Variants in IL3RA observed in about 807,000 individuals in gnomAD.
The protein encoded by IL3RA is interleukin 3 receptor subunit alpha, also known as interleukin-3 receptor subunit alpha.
A neutral mutation model predicts 52.3 loss-of-function variants in IL3RA; 73 were observed. The observed-to-expected ratio is 1.40, with a 90% CI of 1.16 to 1.70. The LOEUF is 1.70. IL3RA is among the 40% of genes most tolerant of loss of function. IL3RA has a pLI of 0.00. For missense variants in IL3RA, 664 were observed against 504.4 expected (o/e 1.32, Z -3.03); for synonymous variants, 260 against 194.0 (o/e 1.34, Z -2.83).
intron 2 of IL3RA, among the ~76,000 whole-genome samples, chrX:1,344,143 C>G (rs1300371122): frequency 2.0e-5 from 3 of 152,026 alleles, no homozygotes; most frequent in Admixed American, 6.6e-5. Context: ...ACATAGAACT[C>G]CACTTCCCAG....
rs878975237 is a variant in IL3RA, at chrX:1,348,690, CT to C, written c.298+150del. On this transcript the variant is annotated intron_variant, in intron 4 of 11. Transcript: ENST00000331035. The stretch of plus-strand genomic sequence containing the variant: ...TCTTTCTTTCTTTCTTTCTTTCTTT[CT>C]TTTTCTTTCTTTCTGTTTCTGTTTC... 1.2e-5 allele frequency: 6 copies of C among 481,736 alleles called. No individual in the cohort carries two copies. The South Asian group carries it at 1.6e-4, about 13-fold the overall frequency. 29.8% of individuals were successfully genotyped at this position (481,736 alleles called of 1,614,324 possible).
chrX:1,378,879 G>C, intron 10 of IL3RA, 115 bp downstream of exon 10: 2 of 1,018,432 alleles, frequency 2.0e-6, no homozygotes, highest in Non-Finnish European at 2.9e-6. Context: ...GTCTCGCTCT[G>C]TCTCCCAGGC....
At position 1,348,676 on chromosome X, in the gene IL3RA, T is replaced by C. The variant is rs751831283; in HGVS notation, c.298+131T>C. The C allele has an allele frequency of 6.4e-4, 252 of 396,256 alleles. 2 individuals carry two copies. In the African/African-American group the frequency reaches 0.013, roughly 21 times the overall value. The allele number at this position is 396,256 out of a possible 1,614,324, so 24.5% of individuals were successfully genotyped here. ...TTTCTTTCTTTCTTTCTTTCTTTCTTTCTTTCTTTCTTTCTTTTTCTTTCT... is the reference window on the plus strand; with the variant it reads ...TTTCTTTCTTTCTTTCTTTCTTTCTCTCTTTCTTTCTTTCTTTTTCTTTCT... On this transcript the variant is annotated intron_variant, in intron 4 of 11. Transcript: ENST00000331035.
At chrX:1,352,855 TCATG>T (rs2086183498) in intron 6 of IL3RA, among the ~76,000 whole-genome samples, 1 of 149,286 alleles carries the variant, frequency 6.7e-6, no homozygotes, top group African/African-American at 2.5e-5. Flanking sequence ...ATGGGTTCCA[TCATG>T]GGTCCCATCA....
At chrX:1,377,056 A>G (rs1569528074) in intron 9 of IL3RA, among the ~76,000 whole-genome samples, 1 of 147,446 alleles carries the variant, frequency 6.8e-6, no homozygotes, top group Non-Finnish European at 1.5e-5. Context: ...TCTCATAAGA[A>G]GAGGAGATGA....
At chrX:1,337,377 C>G (rs1363392793) in intron 1 of IL3RA, among the ~76,000 whole-genome samples, 2 of 152,152 alleles carry the variant, frequency 1.3e-5, no homozygotes, top group African/African-American at 2.4e-5. Context: ...GGCTGGGACC[C>G]CAGCCTGCTT....
At chrX:1,348,380 C>A (rs879130299) in intron 3 of IL3RA, 51 bp from the exon 4 acceptor site, 1 of 1,404,798 alleles carries the variant, frequency 7.1e-7, no homozygotes, top group Non-Finnish European at 1.0e-6. Flanking sequence ...TCATTAGCGT[C>A]AAATTAAGCA....
intron 10 of IL3RA, 41 bp downstream of exon 10, chrX:1,378,805 G>T: frequency 6.6e-7 from 1 of 1,526,620 alleles, no homozygotes. Flanking sequence ...CTTGTTTCCA[G>T]TGTGACCCTG....
chrX:1,342,313 G>C (rs2085524245), intron 2 of IL3RA, among the ~76,000 whole-genome samples: 1 of 151,434 alleles, frequency 6.6e-6, no homozygotes, highest in Non-Finnish European at 1.5e-5. Context: ...TTACAGTCGC[G>C]CACCACCATA....
intron 1 of IL3RA, among the ~76,000 whole-genome samples, chrX:1,340,535 A>C (rs185329772): frequency 5.3e-5 from 8 of 152,224 alleles, no homozygotes; most frequent in African/African-American, 1.9e-4. Context: ...CATGCACATA[A>C]ATATGCACTT....
intron 10 of IL3RA, among the ~76,000 whole-genome samples, chrX:1,380,800 C>G (rs2089141724): frequency 6.6e-6 from 1 of 151,726 alleles, no homozygotes; most frequent in Admixed American, 6.6e-5. Flanking sequence ...CTGGGTGGCT[C>G]CGGTACCAGC....
At chrX:1,349,267 T>C (rs181866236) in intron 4 of IL3RA, among the ~76,000 whole-genome samples, 8 of 151,242 alleles carry the variant, frequency 5.3e-5, no homozygotes, top group East Asian at 3.9e-4. Flanking sequence ...CTGCAACCTC[T>C]GGCTCCCGGG....
chrX:1,382,556 G>A lies in IL3RA; in HGVS notation c.*91G>A, dbSNP rs1387916850. On this transcript the variant is annotated 3_prime_UTR_variant, in exon 12 of 12. Coordinates refer to ENST00000331035, the MANE Select transcript of IL3RA (RefSeq NM_002183.4). ...ACTGGCTGCTGGACCTGCGCACGCA[G>A]CCCAGGAATGGACATTCCTAACGGG... The A allele has an allele frequency of 5.9e-6, 7 of 1,183,844 alleles. No homozygotes were observed. In the African/African-American group the frequency reaches 9.0e-5, roughly 15 times the overall value. 73.3% of individuals were successfully genotyped at this position (1,183,844 alleles called of 1,614,324 possible). A position where few individuals can be genotyped will look rare whatever the true frequency, so the allele number is the denominator to read the frequency against.
chrX:1,365,006 A>C, intron 8 of IL3RA, 132 bp from the exon 9 acceptor site: 2 of 597,054 alleles, frequency 3.3e-6, no homozygotes, highest in East Asian at 2.9e-5. Context: ...ACAGGGTTTC[A>C]CCATGTTGGC....
At chrX:1,344,681 G>A (rs1235402992) in intron 2 of IL3RA, among the ~76,000 whole-genome samples, 5 of 151,730 alleles carry the variant, frequency 3.3e-5, no homozygotes, top group African/African-American at 1.2e-4. Flanking sequence ...GCTGAGGCAG[G>A]AGAATCGCTT....
chrX:1,363,981 G>C (rs1351153229), intron 8 of IL3RA, among the ~76,000 whole-genome samples: 2 of 151,110 alleles, frequency 1.3e-5, no homozygotes, highest in Non-Finnish European at 3.0e-5. Context: ...AGGAAATCAA[G>C]ACCATCCTGG....
Position 1,361,622 on chromosome X carries a change from A to T in IL3RA, c.759+2735A>T, listed in dbSNP as rs111358764. ...AAAATTACCCAGACGTGGTGGTGGC[A>T]GGCGCCTGTGGTCCCAGCTACTCGG... is the stretch of plus-strand genomic sequence containing the variant. On this transcript the variant is annotated intron_variant, in intron 8 of 11. Coordinates refer to ENST00000331035, the MANE Select transcript of IL3RA (RefSeq NM_002183.4). Among the ~76,000 whole-genome samples the T allele has an allele frequency of 9.3e-5, 14 of 151,158 alleles. No homozygotes were observed. In the South Asian group the frequency reaches 2.9e-3, roughly 32 times the overall value.
intron 3 of IL3RA, among the ~76,000 whole-genome samples, chrX:1,346,608 A>C: frequency 1.3e-5 from 2 of 151,688 alleles, no homozygotes; most frequent in East Asian, 3.9e-4. Context: ...CTCCATCTCA[A>C]AACAAAAACA....
intron 4 of IL3RA, 137 bp downstream of exon 4, chrX:1,348,682 C>CTT (rs372946271): frequency 2.6e-5 from 13 of 497,512 alleles, no homozygotes; most frequent in Admixed American, 1.2e-4. Context: ...TTCTTTCTTT[C>CTT]TTTCTTTCTT....
Sources: gnomAD v4.1 joint callset for allele counts (sites outside exome capture counted in the v4.1 genomes callset) on GRCh38, gnomAD v4.1.1 for gene constraint, MANE v1.5 for transcripts, NCBI Gene and HGNC (gene_info 2026-07-23, HGNC 2026-07-21) for gene names.